COL24A1: variants seen among roughly 807,000 people sequenced by gnomAD.
COL24A1 encodes collagen type XXIV alpha 1 chain.
A neutral mutation model predicts 253.9 loss-of-function variants in COL24A1; 224 were observed. The observed-to-expected ratio is 0.88, with a 90% CI of 0.79 to 0.99. The LOEUF (loss-of-function observed/expected upper bound fraction) is 0.99. COL24A1 is among the 50% of genes least tolerant of loss of function. COL24A1 has a pLI of 0.00. For synonymous variants in COL24A1, 685 were observed against 673.7 expected (o/e 1.02, Z -0.26); for missense variants, 2,131 against 2,068.5 (o/e 1.03, Z -0.59).
chr1:85,852,944 C>A (rs1402211604), intron 37 of COL24A1, among the ~76,000 whole-genome samples: 2 of 152,148 alleles, frequency 1.3e-5, no homozygotes, highest in African/African-American at 4.8e-5. Context: ...GCCACAGTAA[C>A]CACAGTATTA....
intron 58 of COL24A1, chr1:85,736,585 C>G (rs1209770089): frequency 2.3e-6 from 1 of 437,466 alleles, no homozygotes; most frequent in African/African-American, 2.0e-5. Flanking sequence ...GATGGAATGC[C>G]CTGGTTAATG....
chr1:85,954,990 C>T (rs1000311325), intron 24 of COL24A1, among the ~76,000 whole-genome samples: 32 of 152,150 alleles, frequency 2.1e-4, no homozygotes, highest in African/African-American at 7.5e-4. Flanking sequence ...CCTATTGATA[C>T]GGAAGTGCAG....
intron 24 of COL24A1, among the ~76,000 whole-genome samples, chr1:85,919,511 T>C (rs908952116): frequency 6.6e-6 from 1 of 152,092 alleles, no homozygotes; most frequent in Non-Finnish European, 1.5e-5. Context: ...AGACCCTGTC[T>C]CTACAAAAAA....
At chr1:85,985,873 G>A (rs1022217473) in intron 20 of COL24A1, among the ~76,000 whole-genome samples, 4 of 151,784 alleles carry the variant, frequency 2.6e-5, no homozygotes, top group African/African-American at 9.7e-5. Flanking sequence ...GGTGGCAGGT[G>A]GGGTTGCCTG....
chr1:85,789,611 G>A (rs977524509), intron 47 of COL24A1, among the ~76,000 whole-genome samples: 2 of 152,120 alleles, frequency 1.3e-5, no homozygotes, highest in African/African-American at 4.8e-5. Flanking sequence ...AGGAGAGGGG[G>A]TATCCTTGCC....
chr1:86,052,884 T>A (rs1382319424), intron 10 of COL24A1, among the ~76,000 whole-genome samples: 1 of 152,042 alleles, frequency 6.6e-6, no homozygotes, highest in East Asian at 1.9e-4. Context: ...GTTGCCACCA[T>A]CCATCTTGAA....
chr1:86,086,511 C>A (rs943982480), intron 7 of COL24A1, among the ~76,000 whole-genome samples: 3 of 152,274 alleles, frequency 2.0e-5, no homozygotes, highest in African/African-American at 7.2e-5. Context: ...GACTACATTA[C>A]TGTGTTCACC....
chr1:85,858,823 C>A (rs112412738), intron 37 of COL24A1, among the ~76,000 whole-genome samples: 91 of 151,900 alleles, frequency 6.0e-4, no homozygotes, highest in Admixed American at 5.3e-4. Flanking sequence ...TCACTGCAGC[C>A]CCGACCTTCC....
intron 18 of COL24A1, among the ~76,000 whole-genome samples, chr1:86,021,115 A>T (rs1010345692): frequency 6.6e-6 from 1 of 152,200 alleles, no homozygotes; most frequent in African/African-American, 2.4e-5. Flanking sequence ...TGAGATTAAA[A>T]AAATAAATAA....
intron 48 of COL24A1, among the ~76,000 whole-genome samples, chr1:85,784,923 A>C (rs991668417): frequency 2.0e-5 from 3 of 151,734 alleles, no homozygotes; most frequent in Non-Finnish European, 4.4e-5. Flanking sequence ...TAGAGACAGG[A>C]TCTCACTATG....
Position 85,730,547 on chromosome 1 carries a change from T to C in COL24A1, c.5144A>G (p.Ter1715=). The part of the protein sequence containing the change: ...YIDSSSVCFL[*] The stretch of plus-strand genomic sequence containing the variant: ...GAATTCGGAACTAATTCAGAGACTT[T>C]ACAGAAAGCATACAGAACTGCTGTC... The change falls in exon 60 of 60, where the codon TAA becomes TGA. Residue 1715 remains the stop codon, a stop_retained_variant. Coordinates refer to ENST00000370571, the MANE Select transcript of COL24A1 (RefSeq NM_152890.7). 1 of 1,613,578 alleles carries C rather than the reference T, an allele frequency of 6.2e-7. No individual in the cohort carries two copies.
chr1:85,914,685 C>T (rs1685720732), intron 24 of COL24A1, among the ~76,000 whole-genome samples: 1 of 152,200 alleles, frequency 6.6e-6, no homozygotes, highest in African/African-American at 2.4e-5. Flanking sequence ...GCCACTGCTC[C>T]TGCCCTCTCA....
chr1:86,042,888 T>C (rs1699614151), intron 12 of COL24A1, among the ~76,000 whole-genome samples: 1 of 152,168 alleles, frequency 6.6e-6, no homozygotes. Flanking sequence ...ATATAAGTAC[T>C]ATTTTTGCAA....
chr1:85,818,175 G>A (rs994347916), intron 45 of COL24A1, 88 bp from the exon 46 acceptor site: 1 of 1,020,110 alleles, frequency 9.8e-7, no homozygotes, highest in Non-Finnish European at 1.5e-6. Context: ...CCTGGACGCT[G>A]CAGCAAGAAC....
chr1:86,003,653 G>A (rs599761), intron 19 of COL24A1, among the ~76,000 whole-genome samples: 27,640 of 151,456 alleles, frequency 0.18, 3,197 homozygotes, highest in African/African-American at 0.32. Context: ...CATCCTAAGG[G>A]GTAGATCTGT....
At chr1:86,134,279 G>T (rs1201612127) in intron 2 of COL24A1, among the ~76,000 whole-genome samples, 1 of 150,280 alleles carries the variant, frequency 6.7e-6, no homozygotes, top group Non-Finnish European at 1.5e-5. Context: ...TATCAATTTT[G>T]TTGATCTTTT....
intron 44 of COL24A1, 44 bp from the exon 45 acceptor site, chr1:85,823,633 CA>C: frequency 6.2e-7 from 1 of 1,612,930 alleles, no homozygotes; most frequent in Non-Finnish European, 8.5e-7. Flanking sequence ...AAGCAGAGAC[CA>C]AATAAGTTAT....
intron 9 of COL24A1, among the ~76,000 whole-genome samples, chr1:86,058,327 A>T (rs976906437): frequency 4.0e-5 from 6 of 151,642 alleles, no homozygotes; most frequent in South Asian, 4.2e-4. Context: ...AATTTTTTTT[A>T]AAATTTATTT....
chr1:85,858,633 T>TTCCTTCTTTCCTTCCTTCCA (rs1678754841), intron 37 of COL24A1, among the ~76,000 whole-genome samples: 1 of 124,326 alleles, frequency 8.0e-6, no homozygotes, highest in Admixed American at 7.6e-5. Flanking sequence ...CCTTCCTTCC[T>TTCCTTCTTTCCTTCCTTCCA]TCCTTCCTTC....
Sources: gnomAD v4.1 joint callset for allele counts (sites outside exome capture counted in the v4.1 genomes callset) on GRCh38, gnomAD v4.1.1 for gene constraint, MANE v1.5 for transcripts, NCBI Gene and HGNC (gene_info 2026-07-23, HGNC 2026-07-21) for gene names.